MAP3K1: variants seen among roughly 807,000 people sequenced by gnomAD.
The protein encoded by MAP3K1 is mitogen-activated protein kinase kinase kinase 1, also known as MAP/ERK kinase kinase 1.
A neutral mutation model predicts 144.2 loss-of-function variants in MAP3K1; 36 were observed. The observed-to-expected ratio is 0.25, with a 90% CI of 0.19 to 0.33. MAP3K1 has a LOEUF of 0.33. Ranked by LOEUF, MAP3K1 falls within the 10% of genes least tolerant of loss-of-function variation. The pLI is 1.00. For missense variants in MAP3K1, 1,650 were observed against 1,881.9 expected, an observed-to-expected ratio of 0.88 and a Z score of 2.28; for synonymous variants, 718 against 688.7, an observed-to-expected ratio of 1.04 and a Z score of -0.67.
In MAP3K1 at chr5:56,895,375, T is replaced by TA. The variant is rs1748675056; in HGVS notation, c.*1695_*1696insA. ...CTTTCTTTTTTATTTTGTTTTTTTT[T>TA]TTTTTTGACTACTTAGAATTTTCAC... On this transcript the variant is annotated 3_prime_UTR_variant, in exon 20 of 20. Transcript: ENST00000399503. 4.3e-6 allele frequency: 1 copy of TA among 231,396 alleles called. No homozygotes were observed. Among genetic ancestry groups the TA allele is most frequent in the Admixed American group, 5.6e-5 (1 of 17,720 alleles). The allele number at this position is 231,396 out of a possible 1,614,324, so 14.3% of individuals were successfully genotyped here.
In MAP3K1 at chr5:56,880,699, C is replaced by A; in HGVS notation, c.2088-12C>A. ...AGATCCAGGATTGATGTTGCTTTTC[C>A]TTTGTTTTTAGCCGCACAAGTCAGC... On this transcript the variant is annotated splice_polypyrimidine_tract_variant and intron_variant, in intron 11 of 19. Transcript: ENST00000399503. The A allele has an allele frequency of 6.2e-7, 1 of 1,605,146 alleles. No homozygotes were observed. The highest frequency in any genetic ancestry group is 8.5e-7 in the Non-Finnish European group (1 of 1,172,172).
At chr5:56,828,315 CTTCTT>C (rs1223803034) in intron 1 of MAP3K1, among the ~76,000 whole-genome samples, 8 of 152,300 alleles carry the variant, frequency 5.3e-5, no homozygotes, top group Non-Finnish European at 1.2e-4. Context: ...GTTTCTTGGT[CTTCTT>C]TTCTCATCTG....
At chr5:56,827,079 G>A (rs1024849940) in intron 1 of MAP3K1, among the ~76,000 whole-genome samples, 60 of 152,196 alleles carry the variant, frequency 3.9e-4, no homozygotes, top group African/African-American at 1.4e-3. Flanking sequence ...GTGGCCTAGG[G>A]GTGGGTGGAG....
chr5:56,850,986 G>A (rs1449248594), intron 1 of MAP3K1, among the ~76,000 whole-genome samples: 1 of 152,090 alleles, frequency 6.6e-6, no homozygotes, highest in African/African-American at 2.4e-5. Flanking sequence ...TGCTCTTGTT[G>A]CCCAGGCTGG....
At chr5:56,833,261 G>C (rs1036426727) in intron 1 of MAP3K1, among the ~76,000 whole-genome samples, 4 of 152,188 alleles carry the variant, frequency 2.6e-5, no homozygotes, top group African/African-American at 9.7e-5. Flanking sequence ...ACAAGGCCAG[G>C]GAAGAGACGC....
At position 56,853,184 on chromosome 5, in the gene MAP3K1, TATA is replaced by T. The variant is rs531271929; in HGVS notation, c.483-3411_483-3409del. On this transcript the variant is annotated intron_variant, in intron 1 of 19. Coordinates refer to ENST00000399503, the MANE Select transcript of MAP3K1 (RefSeq NM_005921.2). ...AGGAAATAACACCTGCCAGTTAAATTATAATAACTTTTGATTGCAAGAGGCATT... is the reference window on the plus strand; with the variant it reads ...AGGAAATAACACCTGCCAGTTAAATTATAACTTTTGATTGCAAGAGGCATT... Among the ~76,000 whole-genome samples the T allele has an allele frequency of 9.2e-5, 14 of 152,320 alleles. No individual in the cohort carries two copies. The South Asian group carries it at 1.4e-3, about 16-fold the overall frequency.
At chr5:56,838,834 C>G (rs1264627270) in intron 1 of MAP3K1, among the ~76,000 whole-genome samples, 1 of 152,168 alleles carries the variant, frequency 6.6e-6, no homozygotes, top group Non-Finnish European at 1.5e-5. Context: ...AAACATGATT[C>G]AGCACTTGGC....
In MAP3K1 at chr5:56,856,583, T is replaced by G. The variant is rs183415433; in HGVS notation, c.483-17T>G. The G allele has an allele frequency of 1.2e-6, 2 of 1,603,396 alleles. No homozygotes were observed. Among genetic ancestry groups the G allele is most frequent in the East Asian group, 4.5e-5 (2 of 44,836 alleles). On this transcript the variant is annotated splice_polypyrimidine_tract_variant and intron_variant, in intron 1 of 19. Coordinates refer to ENST00000399503, the MANE Select transcript of MAP3K1 (RefSeq NM_005921.2). ...TATATACATTTCTCATTTTATTTGT[T>G]TCTGCCTGCATTTTAGTCGTGAGAT...
intron 17 of MAP3K1, 54 bp from the exon 18 acceptor site, chr5:56,887,324 C>G: frequency 1.3e-6 from 2 of 1,586,004 alleles, no homozygotes; most frequent in Non-Finnish European, 1.7e-6. Context: ...GGGCTTTTAT[C>G]TGTCCTTATT....
intron 6 of MAP3K1, among the ~76,000 whole-genome samples, chr5:56,868,768 A>C (rs1343947592): frequency 6.6e-6 from 1 of 152,226 alleles, no homozygotes; most frequent in Non-Finnish European, 1.5e-5. Flanking sequence ...CTATCTAGTC[A>C]GTGGAAAATT....
intron 1 of MAP3K1, among the ~76,000 whole-genome samples, chr5:56,851,452 G>A (rs553030039): frequency 1.3e-4 from 20 of 152,160 alleles, no homozygotes; most frequent in African/African-American, 4.8e-4. Context: ...ATTATCCAGG[G>A]GTGGTATAAA....
intron 5 of MAP3K1, 28 bp from the exon 6 acceptor site, chr5:56,865,801 C>G (rs1747655303): frequency 1.2e-6 from 2 of 1,610,290 alleles, no homozygotes; most frequent in Non-Finnish European, 8.5e-7. Flanking sequence ...GCACAAATAT[C>G]ATTGTTACTG....
At chr5:56,835,466 G>A (rs941006871) in intron 1 of MAP3K1, among the ~76,000 whole-genome samples, 1 of 151,624 alleles carries the variant, frequency 6.6e-6, no homozygotes, top group African/African-American at 2.4e-5. Context: ...GAGGAGACAG[G>A]AAGGTAGGAA....
intron 1 of MAP3K1, among the ~76,000 whole-genome samples, chr5:56,840,665 A>G (rs185219): frequency 0.51 from 77,126 of 151,910 alleles, 21,676 homozygotes; most frequent in Non-Finnish European, 0.65. Flanking sequence ...TGATACCATT[A>G]TTCCAGATTA....
At chr5:56,875,956 G>T (rs769417453) in intron 10 of MAP3K1, among the ~76,000 whole-genome samples, 2 of 152,116 alleles carry the variant, frequency 1.3e-5, no homozygotes, top group Non-Finnish European at 2.9e-5. Flanking sequence ...ACATTGTCAT[G>T]TGGAGATTCA....
In MAP3K1 at chr5:56,883,651, G is replaced by C. The variant is rs1748292649; in HGVS notation, c.3791G>C (p.Gly1264Ala). Residue 1264 changes from glycine to alanine, a missense_variant, in exon 15 of 20, where the codon GGA becomes GCA. This residue lies in a region of MAP3K1 where 165 missense variants were observed against 322.9 expected (regional missense o/e 0.51). Transcript: ENST00000399503. ...TCTTGTTATCAGGCTCAAGATGTGGGAACTGGAACTTTAATGGCTGTTAAA... is the reference window on the plus strand; with the variant it reads ...TCTTGTTATCAGGCTCAAGATGTGGCAACTGGAACTTTAATGGCTGTTAAA... ...FSSCYQAQDV[G>A]TGTLMAVKQV... 1 of 1,613,914 alleles carries C rather than the reference G, an allele frequency of 6.2e-7. No individual in the cohort carries two copies. Among genetic ancestry groups the C allele is most frequent in the Non-Finnish European group, 8.5e-7 (1 of 1,179,966 alleles).
chr5:56,847,384 G>A (rs2111834192), intron 1 of MAP3K1, among the ~76,000 whole-genome samples: 1 of 152,344 alleles, frequency 6.6e-6, no homozygotes, highest in South Asian at 2.1e-4. Context: ...ATCACTTGAG[G>A]TCAGGAGTTT....
intron 9 of MAP3K1, among the ~76,000 whole-genome samples, chr5:56,873,966 A>G (rs1469873700): frequency 6.6e-6 from 1 of 152,130 alleles, no homozygotes; most frequent in Non-Finnish European, 1.5e-5. Flanking sequence ...AGAACTCTCA[A>G]GTTGATTCTG....
In MAP3K1 at chr5:56,864,770, C is replaced by A; in HGVS notation, c.871C>A (p.Pro291Thr). The change falls in exon 4 of 20, where the codon CCT becomes ACT. Residue 291 changes from proline (P) to threonine (T), a missense_variant. By Grantham distance (38) the Pro-to-Thr change is conservative. Around this residue, in one of 6 missense-constraint regions of MAP3K1, gnomAD observed 148 missense variants for 177.2 expected, o/e 0.84. Transcript: ENST00000399503. ...SGRITPPRRAPSPDGFSPYSP... is the reference protein window; with the variant it reads ...SGRITPPRRATSPDGFSPYSP... ...CAGAATCACACCACCCCGAAGAGCC[C>A]CTTCACCAGATGGCTTCTCACCATA... 5 of 1,614,066 alleles carry A rather than the reference C, an allele frequency of 3.1e-6. No homozygotes were observed. The highest frequency in any genetic ancestry group is 4.2e-6 in the Non-Finnish European group (5 of 1,179,996).
Sources: gnomAD v4.1 joint callset for allele counts (sites outside exome capture counted in the v4.1 genomes callset) on GRCh38, gnomAD v4.1.1 for gene constraint, gnomAD v4.1.1 regional missense constraint, MANE v1.5 for transcripts, NCBI Gene and HGNC (gene_info 2026-07-23, HGNC 2026-07-21) for gene names.